Variants in MYO10 observed in about 807,000 individuals in gnomAD.
MYO10 encodes the protein myosin X, also known as unconventional myosin-X.
In MYO10, 133 loss-of-function variants were observed where a neutral mutation model predicts 257.3. The ratio of observed to expected loss-of-function variants is 0.52; its 90% CI spans 0.45 to 0.60. The LOEUF is 0.60. MYO10 is among the 20% of genes least tolerant of loss of function. The probability of loss-of-function intolerance (pLI) is 0.00; values close to 1 mark genes in which losing one functional copy is unlikely to be tolerated. For missense variants in MYO10, 2,399 were observed against 2,635.7 expected, an observed-to-expected ratio of 0.91 and a Z score of 1.97; for synonymous variants, 1,104 against 1,028.6, an observed-to-expected ratio of 1.07 and a Z score of -1.40.
At chr5:16,742,313 T>C in intron 19 of MYO10, 2 of 908,976 alleles carry the variant, frequency 2.2e-6, no homozygotes, top group Non-Finnish European at 1.3e-6. Flanking sequence ...GTAAACAGGA[T>C]GGAAGTGACC....
chr5:16,915,773 T>C (rs888752788), intron 1 of MYO10, among the ~76,000 whole-genome samples: 3 of 152,092 alleles, frequency 2.0e-5, no homozygotes, highest in Non-Finnish European at 2.9e-5. Flanking sequence ...CTGGCCAACA[T>C]GGCAAAACCC....
At position 16,780,611 on chromosome 5, in the gene MYO10, G is replaced by A; in HGVS notation, c.742-3C>T. 1 of 1,570,828 alleles carries A rather than the reference G, an allele frequency of 6.4e-7. No individual in the cohort carries two copies. The highest frequency in any genetic ancestry group is 8.7e-7 in the Non-Finnish European group (1 of 1,155,146). On this transcript the variant is annotated splice_region_variant and splice_polypyrimidine_tract_variant and intron_variant, in intron 7 of 40. Coordinates refer to ENST00000513610, the MANE Select transcript of MYO10 (RefSeq NM_012334.3). The stretch of plus-strand genomic sequence containing the variant: ...GGATTTTGCCTTACTACTCGGTTCT[G>A]GGAAGATAAATCAGATTTATATTCA...
In MYO10 at chr5:16,679,903, T is replaced by C. The variant is rs148011198; in HGVS notation, c.4542+44A>G. The C allele has an allele frequency of 2.5e-6, 4 of 1,595,670 alleles. No homozygotes were observed. In the African/African-American group the frequency reaches 5.3e-5, roughly 21 times the overall value. Reference sequence around the variant, plus strand: ...GTCTTGGTGCTCTAAGGGTAGAATCTCTGAGCTGTAATCACCCACCTTGAT... The same window carrying C: ...GTCTTGGTGCTCTAAGGGTAGAATCCCTGAGCTGTAATCACCCACCTTGAT... On this transcript the variant is annotated intron_variant, in intron 33 of 40. Coordinates refer to ENST00000513610, the MANE Select transcript of MYO10 (RefSeq NM_012334.3).
chr5:16,751,739 G>A lies in MYO10; in HGVS notation c.1929+3089C>T, dbSNP rs536516339. Among the ~76,000 whole-genome samples the A allele has an allele frequency of 2.0e-5, 3 of 151,796 alleles. No individual in the cohort carries two copies. The South Asian group carries it at 6.3e-4, about 32-fold the overall frequency. The stretch of plus-strand genomic sequence containing the variant: ...GCCCATCTTGGTCTCCCAAAGTGCT[G>A]GGATTACAGGCGTGAGCCACCGCCC... On this transcript the variant is annotated intron_variant, in intron 19 of 40. Coordinates refer to ENST00000513610, the MANE Select transcript of MYO10 (RefSeq NM_012334.3).
At chr5:16,815,351 A>C in intron 3 of MYO10, 1 of 665,892 alleles carries the variant, frequency 1.5e-6, no homozygotes, top group Middle Eastern at 2.7e-4. Flanking sequence ...AAAATCCAAA[A>C]TATTCCCAAT....
intron 3 of MYO10, among the ~76,000 whole-genome samples, chr5:16,796,290 GAAAA>G (rs1158324547): frequency 3.8e-5 from 5 of 130,630 alleles, no homozygotes; most frequent in African/African-American, 1.4e-4. Context: ...AAAGAAAGAA[GAAAA>G]GAAAGAAGGA....
intron 1 of MYO10, among the ~76,000 whole-genome samples, chr5:16,895,365 C>G (rs1395525407): frequency 1.3e-5 from 2 of 152,148 alleles, no homozygotes; most frequent in Non-Finnish European, 2.9e-5. Flanking sequence ...TGAGGTCTGT[C>G]CATCAAATAC....
chr5:16,813,425 T>C (rs1056555303), intron 3 of MYO10, among the ~76,000 whole-genome samples: 5 of 151,704 alleles, frequency 3.3e-5, no homozygotes, highest in African/African-American at 9.7e-5. Context: ...ATATATTATA[T>C]ACTGTAGTAC....
At chr5:16,728,115 TC>T (rs933794605) in intron 19 of MYO10, among the ~76,000 whole-genome samples, 1 of 152,158 alleles carries the variant, frequency 6.6e-6, no homozygotes, top group Non-Finnish European at 1.5e-5. Flanking sequence ...TAGGCCGCCC[TC>T]CGCCATGGCT....
At chr5:16,810,258 C>A (rs986595850) in intron 3 of MYO10, among the ~76,000 whole-genome samples, 1 of 152,136 alleles carries the variant, frequency 6.6e-6, no homozygotes, top group Non-Finnish European at 1.5e-5. Context: ...GACGGTGCCA[C>A]GTTTTCACAG....
In MYO10 at chr5:16,694,622, C is replaced by T; in HGVS notation, c.3557-8G>A. The T allele has an allele frequency of 1.9e-6, 3 of 1,613,330 alleles. No homozygotes were observed. Among genetic ancestry groups the T allele is most frequent in the Non-Finnish European group, 2.5e-6 (3 of 1,179,836 alleles). On this transcript the variant is annotated splice_polypyrimidine_tract_variant and splice_region_variant and intron_variant, in intron 26 of 40. Transcript: ENST00000513610. ...AAGAGTTCATCAGGCCACCTGTTCCCCGTGAGATTGGGTAGAGAGGGGTGA... is the reference window on the plus strand; with the variant it reads ...AAGAGTTCATCAGGCCACCTGTTCCTCGTGAGATTGGGTAGAGAGGGGTGA...
Position 16,676,145 on chromosome 5 carries a change from G to C in MYO10, c.4552C>G (p.Leu1518Val). The C allele has an allele frequency of 6.2e-7, 1 of 1,612,292 alleles. No individual in the cohort carries two copies. Residue 1518 changes from leucine to valine, a missense_variant, in exon 34 of 41, where the codon CTG becomes GTG. Physicochemically the swap from Leu to Val is conservative, Grantham distance 32. Coordinates refer to ENST00000513610, the MANE Select transcript of MYO10 (RefSeq NM_012334.3). ...ATCTGTTCCACCACATCCGAGTTCA[G>C]GCAGTTCTCCTAAAAATAAAGCAAG... ...QLIQDIKENC[L>V]NSDVVEQIYK...
intron 40 of MYO10, among the ~76,000 whole-genome samples, chr5:16,667,995 C>A (rs1410206480): frequency 6.6e-6 from 1 of 152,132 alleles, no homozygotes. Flanking sequence ...TCAGGGACAT[C>A]TATGTCACTT....
chr5:16,671,708 C>T (rs1039948799), intron 37 of MYO10, among the ~76,000 whole-genome samples, 166 bp from the exon 38 acceptor site: 5 of 152,180 alleles, frequency 3.3e-5, no homozygotes, highest in South Asian at 4.1e-4. Flanking sequence ...AGTGAAAAAA[C>T]GTACTTTCAT....
chr5:16,728,274 G>A (rs896750367), intron 19 of MYO10, among the ~76,000 whole-genome samples: 1 of 152,054 alleles, frequency 6.6e-6, no homozygotes, highest in Non-Finnish European at 1.5e-5. Context: ...CCTGCACACT[G>A]GACAGATTTC....
At position 16,673,728 on chromosome 5, in the gene MYO10, C is replaced by T; in HGVS notation, c.5126G>A (p.Gly1709Asp). Residue 1709 changes from glycine to aspartate, a missense_variant, in exon 36 of 41, where the codon GGC becomes GAC. Physicochemically the swap from Gly to Asp is moderately conservative, Grantham distance 94. Transcript: ENST00000513610. ...EMTSTVYCHG[G>D]GSCKITINSH... ...GTTGATGGTGATCTTGCAGGAGCCGCCGCCATGGCAATAGACCGTGGATGT... is the reference window on the plus strand; with the variant it reads ...GTTGATGGTGATCTTGCAGGAGCCGTCGCCATGGCAATAGACCGTGGATGT... 6.2e-7 allele frequency: 1 copy of T among 1,613,970 alleles called. No individual in the cohort carries two copies. Among genetic ancestry groups the T allele is most frequent in the Non-Finnish European group, 8.5e-7 (1 of 1,179,896 alleles).
At chr5:16,853,318 G>T (rs931882805) in intron 2 of MYO10, among the ~76,000 whole-genome samples, 4 of 151,316 alleles carry the variant, frequency 2.6e-5, no homozygotes, top group Non-Finnish European at 5.9e-5. Flanking sequence ...AGCTTGCAGT[G>T]AGCTGAGATC....
intron 2 of MYO10, among the ~76,000 whole-genome samples, chr5:16,855,675 C>A (rs1743940542): frequency 1.3e-5 from 2 of 152,186 alleles, no homozygotes. Context: ...ACAAAAGCTT[C>A]CTGAAACTCG....
chr5:16,866,020 C>CACACAA (rs1233529008), intron 2 of MYO10, among the ~76,000 whole-genome samples: 3 of 115,396 alleles, frequency 2.6e-5, no homozygotes, highest in Non-Finnish European at 1.9e-5. Context: ...CCCAAACACA[C>CACACAA]ACACACACAC....
Sources: allele counts gnomAD v4.1 joint callset (sites outside exome capture counted in the v4.1 genomes callset), GRCh38; gene constraint gnomAD v4.1.1; transcripts MANE v1.5; gene names NCBI Gene and HGNC (gene_info 2026-07-23, HGNC 2026-07-21).